MPRIP: variants seen among roughly 807,000 people sequenced by gnomAD.
MPRIP encodes myosin phosphatase Rho interacting protein, also known as myosin phosphatase Rho-interacting protein.
Under a neutral mutation model 234.9 loss-of-function variants are expected in MPRIP, and 59 were observed. That is an observed-to-expected ratio of 0.25 (90% confidence interval 0.20 to 0.31). The LOEUF is 0.31. Among genes scored for constraint, MPRIP ranks in the 10% least tolerant of loss-of-function variants. The pLI is 1.00. For synonymous variants in MPRIP, 1,144 were observed against 1,263.9 expected (o/e 0.91, Z 2.01); for missense variants, 2,436 against 3,071.0 (o/e 0.79, Z 4.89).
intron 1 of MPRIP, among the ~76,000 whole-genome samples, chr17:17,072,371 G>T (rs1399550342): frequency 1.3e-5 from 2 of 152,190 alleles, no homozygotes; most frequent in African/African-American, 4.8e-5. Flanking sequence ...CACTCCCTCT[G>T]CACACCTGCC....
chr17:17,093,632 T>G (rs1481521947), intron 3 of MPRIP, among the ~76,000 whole-genome samples: 1 of 152,192 alleles, frequency 6.6e-6, no homozygotes, highest in Non-Finnish European at 1.5e-5. Context: ...GCTTTAATTG[T>G]TTTTTCAAAA....
At chr17:17,108,051 A>C (rs933311024) in intron 3 of MPRIP, among the ~76,000 whole-genome samples, 1 of 150,956 alleles carries the variant, frequency 6.6e-6, no homozygotes, top group Non-Finnish European at 1.5e-5. Context: ...CACAGCCACC[A>C]CCTCTCCCTT....
intron 4 of MPRIP, among the ~76,000 whole-genome samples, chr17:17,131,394 A>T (rs766791562): frequency 3.3e-5 from 5 of 152,232 alleles, no homozygotes; most frequent in Non-Finnish European, 5.9e-5. Flanking sequence ...TGGCCAGGCC[A>T]GGCCTCTCTG....
chr17:17,119,366 G>T (rs1189148813), intron 3 of MPRIP, among the ~76,000 whole-genome samples: 1 of 152,250 alleles, frequency 6.6e-6, no homozygotes, highest in African/African-American at 2.4e-5. Flanking sequence ...GGTCCAGGCT[G>T]GGTAGCCCTG....
chr17:17,104,879 CTG>C (rs897180510), intron 3 of MPRIP, among the ~76,000 whole-genome samples: 11 of 152,264 alleles, frequency 7.2e-5, no homozygotes, highest in Non-Finnish European at 1.3e-4. Flanking sequence ...TGAGCCCACT[CTG>C]GGGCCCAGTG....
intron 3 of MPRIP, among the ~76,000 whole-genome samples, chr17:17,088,429 A>G (rs1375130917): frequency 2.6e-5 from 4 of 152,264 alleles, no homozygotes; most frequent in Non-Finnish European, 4.4e-5. Context: ...ATAGTTGGTT[A>G]GGAAACTAAT....
chr17:17,165,723 A>G lies in MPRIP; in HGVS notation c.4132A>G (p.Thr1378Ala). 1.5e-6 allele frequency: 2 copies of G among 1,304,974 alleles called. No individual in the cohort carries two copies. Among genetic ancestry groups the G allele is most frequent in the Non-Finnish European group, 2.0e-6 (2 of 988,984 alleles). 80.8% of individuals were successfully genotyped at this position (1,304,974 alleles called of 1,614,324 possible). A position where few individuals can be genotyped will look rare whatever the true frequency, so the allele number is the denominator to read the frequency against. ...SVLPATGDSD[T>A]YLSIIHSLET... ...ACTGCCTGCAACTGGCGACTCTGACACGTACCTCTCCATCATCCACTCCCT... is the reference window on the plus strand; with the variant it reads ...ACTGCCTGCAACTGGCGACTCTGACGCGTACCTCTCCATCATCCACTCCCT... Residue 1378 changes from threonine to alanine, a missense_variant, in exon 16 of 24, where the codon ACG (threonine) becomes GCG (alanine). Coordinates refer to ENST00000651222, the MANE Select transcript of MPRIP (RefSeq NM_001364716.4).
chr17:17,092,009 A>G (rs2089730195), intron 3 of MPRIP, among the ~76,000 whole-genome samples: 1 of 152,234 alleles, frequency 6.6e-6, no homozygotes, highest in Admixed American at 6.5e-5. Context: ...GGCGACCCAC[A>G]CTAGAGGAGG....
rs1759370141 is a variant in MPRIP, at chr17:17,158,836, T to C, written c.2234T>C (p.Leu745Pro). 1.9e-6 allele frequency: 3 copies of C among 1,611,526 alleles called. No individual in the cohort carries two copies. Among genetic ancestry groups the C allele is most frequent in the Non-Finnish European group, 2.5e-6 (3 of 1,179,964 alleles). ...DRSPGLPMSD[L>P]KTHNVHVEIE... ...AGCCCAGGGCTGCCTATGAGCGACC[T>C]CAAAACGCATAACGTCCACGTGGAG... is the stretch of plus-strand genomic sequence containing the variant. Residue 745 changes from leucine (L) to proline (P), a missense_variant, in exon 14 of 24, where the codon CTC becomes CCC. Transcript: ENST00000651222.
intron 3 of MPRIP, among the ~76,000 whole-genome samples, chr17:17,112,698 G>A (rs11870483): frequency 0.43 from 65,020 of 152,144 alleles, 16,620 homozygotes; most frequent in East Asian, 0.7. Flanking sequence ...TGCGGGAGGA[G>A]GACAGCCTCC....
chr17:17,166,950 AAGG>A lies in MPRIP; in HGVS notation c.5362_5364del (p.Glu1788del). ...TCAGGAGGAGCTTGCCCAGCAGCTG[AAGG>A]AGAAGGCCAGCCTCTTAGAGGAGAT... On this transcript the variant is annotated inframe_deletion, in exon 16 of 24. Coordinates refer to ENST00000651222, the MANE Select transcript of MPRIP (RefSeq NM_001364716.4). The surrounding 1 kb of genome is among the most constrained non-coding windows in gnomAD (Gnocchi z 4.4). 7.7e-7 allele frequency: 1 copy of A among 1,304,218 alleles called. No individual in the cohort carries two copies. Among genetic ancestry groups the A allele is most frequent in the Non-Finnish European group, 1.0e-6 (1 of 988,938 alleles). 80.8% of individuals were successfully genotyped at this position (1,304,218 alleles called of 1,614,324 possible). A position where few individuals can be genotyped will look rare whatever the true frequency, so the allele number is the denominator to read the frequency against.
rs140589752 is a variant in MPRIP, at chr17:17,143,613, T to A, written c.1447T>A (p.Ser483Thr). ...PLPDASASPL[S>T]PHRRAKSLDR... ...CCCAGACGCCTCGGCTTCCCCCCTG[T>A]CTCCACACCGAAGAGCCAAGTCACT... is the stretch of plus-strand genomic sequence containing the variant. The change falls in exon 9 of 24, where the codon TCT (serine) becomes ACT (threonine). Residue 483 changes from serine to threonine, a missense_variant. By Grantham distance (58) the Ser-to-Thr change is moderately conservative (BLOSUM62 1). This residue lies in a region of MPRIP where 267 missense variants were observed against 252.7 expected (regional missense o/e 1.06). Transcript: ENST00000651222. The A allele has an allele frequency of 6.2e-7, 1 of 1,605,184 alleles. No homozygotes were observed. The highest frequency in any genetic ancestry group is 8.5e-7 in the Non-Finnish European group (1 of 1,176,274).
intron 1 of MPRIP, among the ~76,000 whole-genome samples, chr17:17,045,813 T>TG (rs1311711779): frequency 6.6e-6 from 1 of 151,842 alleles, no homozygotes; most frequent in African/African-American, 2.4e-5. Flanking sequence ...TACAGTTTTT[T>TG]TTTTTTTTTT....
chr17:17,175,572 G>A (rs1160440974), intron 20 of MPRIP, among the ~76,000 whole-genome samples, 160 bp downstream of exon 20: 2 of 152,232 alleles, frequency 1.3e-5, no homozygotes, highest in South Asian at 2.1e-4. Context: ...AGGCGGCGAG[G>A]AGCAGTGAGC....
chr17:17,182,484 A>AG (rs1471387155), intron 23 of MPRIP: 1 of 152,278 alleles, frequency 6.6e-6, no homozygotes, highest in South Asian at 2.1e-4. Context: ...ACAACAGCCT[A>AG]GGGGGAGATG....
At chr17:17,145,507 G>C (rs927980357) in intron 9 of MPRIP, among the ~76,000 whole-genome samples, 1 of 152,224 alleles carries the variant, frequency 6.6e-6, no homozygotes. Context: ...TGCTTCTTGT[G>C]GGGGAATACA....
intron 1 of MPRIP, among the ~76,000 whole-genome samples, chr17:17,052,626 C>T (rs533613150): frequency 6.6e-6 from 1 of 152,342 alleles, no homozygotes; most frequent in South Asian, 2.1e-4. Flanking sequence ...CTTGCCCCAA[C>T]TTGGACTCCT....
Position 17,116,118 on chromosome 17 carries a change from C to T in MPRIP, c.268-10584C>T, listed in dbSNP as rs1349781249. Among the ~76,000 whole-genome samples the T allele has an allele frequency of 2.8e-4, 43 of 152,252 alleles. 1 individual carries two copies. The highest frequency in any genetic ancestry group is 2.7e-3 in the Admixed American group (42 of 15,280). On this transcript the variant is annotated intron_variant, in intron 3 of 23. Transcript: ENST00000651222. ...AGCAGGGTTGGCTTGTTCCATCATT[C>T]AGAAATGTTTACTGAAGCACATATT... is the stretch of plus-strand genomic sequence containing the variant.
intron 3 of MPRIP, among the ~76,000 whole-genome samples, chr17:17,124,792 AT>A (rs1467353931): frequency 6.6e-6 from 1 of 152,136 alleles, no homozygotes; most frequent in Non-Finnish European, 1.5e-5. Flanking sequence ...GCAACCCTTC[AT>A]TTGCCCAGAG....
Sources: gnomAD v4.1 joint callset for allele counts (sites outside exome capture counted in the v4.1 genomes callset) on GRCh38, gnomAD v4.1.1 for gene constraint, gnomAD v4.1.1 regional missense constraint, Gnocchi (gnomAD v3.1) non-coding constraint, MANE v1.5 for transcripts, NCBI Gene and HGNC (gene_info 2026-07-23, HGNC 2026-07-21) for gene names.